TMEM38A: variants seen among roughly 807,000 people sequenced by gnomAD.
TMEM38A encodes transmembrane protein 38A.
In TMEM38A, 17 loss-of-function variants were observed where a neutral mutation model predicts 28.6. That is an observed-to-expected ratio of 0.60 (90% CI 0.41 to 0.89). TMEM38A has a LOEUF of 0.89. Ranked by LOEUF, TMEM38A falls within the 40% of genes least tolerant of loss-of-function variation. TMEM38A has a pLI of 0.00. For synonymous variants in TMEM38A, 169 were observed against 166.1 expected (o/e 1.02, Z -0.14); for missense variants, 328 against 393.1 (o/e 0.83, Z 1.40).
intron 1 of TMEM38A, among the ~76,000 whole-genome samples, chr19:16,679,634 C>T (rs538591380): frequency 9.9e-5 from 15 of 152,062 alleles, no homozygotes; most frequent in African/African-American, 2.7e-4. Context: ...CAAGCTGGCC[C>T]GTCTCACCAA....
At chr19:16,673,581 A>G (rs996336668) in intron 1 of TMEM38A, among the ~76,000 whole-genome samples, 1 of 152,180 alleles carries the variant, frequency 6.6e-6, no homozygotes, top group Non-Finnish European at 1.5e-5. Flanking sequence ...GCACAGCTTC[A>G]TATTTCCCTG....
chr19:16,672,504 A>G (rs2086732297), intron 1 of TMEM38A, among the ~76,000 whole-genome samples: 1 of 133,436 alleles, frequency 7.5e-6, no homozygotes, highest in Non-Finnish European at 1.5e-5. Flanking sequence ...GCTGGAGTGC[A>G]GTGGTGTGAC....
chr19:16,671,321 G>C (rs915015063), intron 1 of TMEM38A, among the ~76,000 whole-genome samples: 1 of 149,106 alleles, frequency 6.7e-6, no homozygotes, highest in Non-Finnish European at 1.5e-5. Flanking sequence ...TTCTGCCTCA[G>C]CCTCCTGAGT....
chr19:16,685,420 G>A (rs1203907541), intron 4 of TMEM38A, among the ~76,000 whole-genome samples: 1 of 152,096 alleles, frequency 6.6e-6, no homozygotes, highest in Non-Finnish European at 1.5e-5. Context: ...GGCAAAATGT[G>A]CATGAGGCAG....
At position 16,688,303 on chromosome 19, in the gene TMEM38A, A is replaced by G. The variant is rs940306464; in HGVS notation, c.832A>G (p.Met278Val). Reference sequence around the variant, plus strand: ...TGGGCCAGGAGCTCAGCATTCGGCCATGCCCGCCAAGTCCAAGGAGGAGTT... The same window carrying G: ...TGGGCCAGGAGCTCAGCATTCGGCCGTGCCCGCCAAGTCCAAGGAGGAGTT... ...GGGPGAQHSA[M>V]PAKSKEELSE... is the part of the protein sequence containing the mutation. Residue 278 changes from methionine (M) to valine (V), a missense_variant, in exon 6 of 6, where the codon ATG becomes GTG. Physicochemically the swap from Met to Val is conservative, Grantham distance 21 (BLOSUM62 1). Transcript: ENST00000187762. 3.1e-6 allele frequency: 5 copies of G among 1,609,772 alleles called. No homozygotes were observed. In the Admixed American group the frequency reaches 6.7e-5, roughly 22 times the overall value.
intron 1 of TMEM38A, among the ~76,000 whole-genome samples, chr19:16,667,144 CT>C (rs1161518167): frequency 6.6e-6 from 1 of 151,900 alleles, no homozygotes. Context: ...TGGCACACGC[CT>C]GTAATCCCAG....
chr19:16,672,295 A>G (rs920864740), intron 1 of TMEM38A, among the ~76,000 whole-genome samples: 1 of 152,038 alleles, frequency 6.6e-6, no homozygotes, highest in Admixed American at 6.6e-5. Flanking sequence ...GGAGAGGGGC[A>G]AGTGTATTGA....
At chr19:16,681,899 A>C (rs2086783515) in intron 3 of TMEM38A, among the ~76,000 whole-genome samples, 1 of 152,132 alleles carries the variant, frequency 6.6e-6, no homozygotes, top group Admixed American at 6.6e-5. Context: ...TAACCAGTAC[A>C]TTTAGGGTAA....
intron 1 of TMEM38A, among the ~76,000 whole-genome samples, chr19:16,668,247 TAACTC>T (rs2086711699): frequency 6.6e-6 from 1 of 151,170 alleles, no homozygotes; most frequent in Non-Finnish European, 1.5e-5. Context: ...ATTAAATAAA[TAACTC>T]AGAATCATGG....
chr19:16,669,813 T>C (rs7260025), intron 1 of TMEM38A, among the ~76,000 whole-genome samples: 28,402 of 151,918 alleles, frequency 0.19, 4,272 homozygotes, highest in African/African-American at 0.4. Flanking sequence ...ACCCTTCTAG[T>C]ACCACCCAGT....
At chr19:16,683,808 T>TA (rs1429294195) in intron 4 of TMEM38A, among the ~76,000 whole-genome samples, 3 of 151,596 alleles carry the variant, frequency 2.0e-5, no homozygotes, top group Admixed American at 1.3e-4. Context: ...CCATTTCTGC[T>TA]AAAAATACAA....
chr19:16,681,092 G>A (rs1397831187), intron 3 of TMEM38A, among the ~76,000 whole-genome samples: 1 of 152,176 alleles, frequency 6.6e-6, no homozygotes, highest in Non-Finnish European at 1.5e-5. Flanking sequence ...TGTGGACCAT[G>A]GCCCTTTTGC....
chr19:16,680,156 C>A lies in TMEM38A; in HGVS notation c.281+16C>A. On this transcript the variant is annotated intron_variant, in intron 2 of 5. Transcript: ENST00000187762. The stretch of plus-strand genomic sequence containing the variant: ...CAGCTGTCTGGTAAGCCATGCTGGG[C>A]ATGGGAGAGCAGAGCCGGGTGGGGG... 1 of 1,603,764 alleles carries A rather than the reference C, an allele frequency of 6.2e-7. No individual in the cohort carries two copies.
At chr19:16,668,172 G>A (rs1315167896) in intron 1 of TMEM38A, among the ~76,000 whole-genome samples, 2 of 151,788 alleles carry the variant, frequency 1.3e-5, no homozygotes, top group African/African-American at 2.4e-5. Context: ...TCATGCCATT[G>A]CACTCCAACC....
At chr19:16,674,753 C>T (rs1483937493) in intron 1 of TMEM38A, among the ~76,000 whole-genome samples, 5 of 151,950 alleles carry the variant, frequency 3.3e-5, no homozygotes, top group South Asian at 4.1e-4. Context: ...GAGCCAAGAT[C>T]GCGCCATTGA....
chr19:16,684,781 G>A (rs1259839009), intron 4 of TMEM38A, among the ~76,000 whole-genome samples: 1 of 150,730 alleles, frequency 6.6e-6, no homozygotes, highest in Non-Finnish European at 1.5e-5. Flanking sequence ...GCTCACACCT[G>A]TAATCCCAGC....
chr19:16,666,623 G>A (rs2086704206), intron 1 of TMEM38A, among the ~76,000 whole-genome samples: 1 of 152,112 alleles, frequency 6.6e-6, no homozygotes, highest in East Asian at 1.9e-4. Flanking sequence ...TCAGAGTGTG[G>A]TCCTCAACTG....
intron 1 of TMEM38A, among the ~76,000 whole-genome samples, chr19:16,674,307 C>T (rs2086740424): frequency 6.8e-6 from 1 of 147,358 alleles, no homozygotes; most frequent in African/African-American, 2.5e-5. Flanking sequence ...ATCACTTGAA[C>T]CTAGGAGGAG....
chr19:16,679,485 G>A (rs149035650), intron 1 of TMEM38A, among the ~76,000 whole-genome samples: 140 of 152,120 alleles, frequency 9.2e-4, no homozygotes, highest in African/African-American at 2.3e-3. Flanking sequence ...TAGGGACGGG[G>A]TTTCACCATG....
Sources: allele counts gnomAD v4.1 joint callset (sites outside exome capture counted in the v4.1 genomes callset), GRCh38; gene constraint gnomAD v4.1.1; transcripts MANE v1.5; gene names NCBI Gene and HGNC (gene_info 2026-07-23, HGNC 2026-07-21).